The following FRMPD1 variants were observed in gnomAD, a reference collection of about 807,000 sequenced individuals.
FRMPD1 encodes FERM and PDZ domain-containing protein 1.
In FRMPD1, 76 loss-of-function variants were observed where a neutral mutation model predicts 117.8. The ratio of observed to expected loss-of-function variants is 0.65; its 90% CI spans 0.54 to 0.78. The LOEUF (loss-of-function observed/expected upper bound fraction) is 0.78, where lower values mean the gene tolerates loss of function less well. FRMPD1 is among the 30% of genes least tolerant of loss of function. The pLI, the probability that FRMPD1 is intolerant of heterozygous loss-of-function variation, is 0.00. For missense variants in FRMPD1, 1,786 were observed against 1,964.5 expected (o/e 0.91, Z 1.72); for synonymous variants, 783 against 770.4 (o/e 1.02, Z -0.27).
At chr9:37,626,622 GA>G in the FRMPD1 span, among the ~76,000 whole-genome samples, 25 of 48,630 alleles carry the variant, frequency 5.1e-4, 2 homozygotes, top group Admixed American at 7.4e-4. Context: ...CCTGGTATCT[GA>G]AAAAAAAAAA....
At chr9:37,664,685 CT>C in intron 1 of FRMPD1, among the ~76,000 whole-genome samples, 1 of 152,162 alleles carries the variant, frequency 6.6e-6, no homozygotes, top group Non-Finnish European at 1.5e-5. Flanking sequence ...CTAAGATATG[CT>C]ATAGACACTA....
At chr9:37,726,434 A>G (rs1190944399) in intron 7 of FRMPD1, among the ~76,000 whole-genome samples, 1 of 152,188 alleles carries the variant, frequency 6.6e-6, no homozygotes, top group Non-Finnish European at 1.5e-5. Context: ...GCAGTGGCTC[A>G]TGCCTGTAAT....
At chr9:37,633,689 G>A in the FRMPD1 span, among the ~76,000 whole-genome samples, 1 of 152,086 alleles carries the variant, frequency 6.6e-6, no homozygotes, top group Non-Finnish European at 1.5e-5. Context: ...GCAGGACCCT[G>A]TCTCTACAAA....
At chr9:37,723,358 AG>A (rs902388855) in intron 6 of FRMPD1, among the ~76,000 whole-genome samples, 3 of 152,188 alleles carry the variant, frequency 2.0e-5, no homozygotes, top group African/African-American at 4.8e-5. Context: ...CGCTCGTAGA[AG>A]GGCTCACTCT....
the FRMPD1 span, among the ~76,000 whole-genome samples, chr9:37,640,590 G>A: frequency 6.6e-6 from 1 of 152,168 alleles, no homozygotes; most frequent in Non-Finnish European, 1.5e-5. Context: ...GCTCTGGAAG[G>A]TCGGGCTAGG....
intron 1 of FRMPD1, among the ~76,000 whole-genome samples, chr9:37,662,684 C>T (rs1821036225): frequency 6.6e-6 from 1 of 151,996 alleles, no homozygotes; most frequent in Non-Finnish European, 1.5e-5. Context: ...GGATTTTTTG[C>T]TTTGAATTGG....
chr9:37,692,733 G>A lies in FRMPD1; in HGVS notation c.92G>A (p.Ser31Asn), dbSNP rs1180589897. 1.2e-6 allele frequency: 2 copies of A among 1,610,958 alleles called. No individual in the cohort carries two copies. The highest frequency in any genetic ancestry group is 3.3e-5 in the Admixed American group (2 of 59,988). Residue 31 changes from serine (S) to asparagine (N), a missense_variant, in exon 2 of 16, where the codon AGC becomes AAC. Transcript: ENST00000377765. The part of the protein sequence containing the change: ...VARWLRRSRD[S>N]SARAKVAAAD... The stretch of plus-strand genomic sequence containing the variant: ...AGATGGCTTCGGCGCTCCCGGGACA[G>A]CTCGGCCCGGTAAGCCTCCTGAGTT...
chr9:37,636,522 C>T, the FRMPD1 span, among the ~76,000 whole-genome samples: 7 of 152,112 alleles, frequency 4.6e-5, no homozygotes, highest in South Asian at 2.1e-4. Flanking sequence ...GACAGAATAG[C>T]GGCTCGGGGC....
intron 1 of FRMPD1, among the ~76,000 whole-genome samples, chr9:37,678,063 A>C (rs1284423585): frequency 1.3e-5 from 2 of 152,156 alleles, no homozygotes; most frequent in Non-Finnish European, 2.9e-5. Flanking sequence ...ACATTTGTCC[A>C]GATGTGTCGT....
intron 5 of FRMPD1, among the ~76,000 whole-genome samples, chr9:37,712,651 A>G (rs1213232705): frequency 6.6e-6 from 1 of 152,206 alleles, no homozygotes; most frequent in African/African-American, 2.4e-5. Context: ...CCACCATGCC[A>G]GGCCAGAACT....
chr9:37,606,545 T>C, the FRMPD1 span, among the ~76,000 whole-genome samples: 1 of 152,220 alleles, frequency 6.6e-6, no homozygotes, highest in Admixed American at 6.5e-5. Context: ...GGTTGGTGTA[T>C]AAAGCACCTC....
chr9:37,726,922 G>A (rs967459382), intron 7 of FRMPD1, among the ~76,000 whole-genome samples: 1 of 152,078 alleles, frequency 6.6e-6, no homozygotes, highest in Non-Finnish European at 1.5e-5. Flanking sequence ...AAAGGCCTCT[G>A]GGGGAGTGGA....
intron 1 of FRMPD1, among the ~76,000 whole-genome samples, chr9:37,688,265 T>C (rs1163815671): frequency 6.6e-6 from 1 of 151,182 alleles, no homozygotes; most frequent in Non-Finnish European, 1.5e-5. Context: ...AATAATTGAA[T>C]GCTACTTTCA....
chr9:37,729,698 G>A (rs371646632), intron 7 of FRMPD1, 30 bp from the exon 8 acceptor site: 26 of 1,610,310 alleles, frequency 1.6e-5, no homozygotes, highest in South Asian at 8.8e-5. Flanking sequence ...TGTTTCTTGC[G>A]TAACTCCTGC....
intron 15 of FRMPD1, among the ~76,000 whole-genome samples, chr9:37,741,872 T>C (rs146035547): frequency 0.013 from 1,914 of 152,328 alleles, 47 homozygotes; most frequent in Admixed American, 0.049. Context: ...CCCATCCGTC[T>C]ATCAGATTCC....
At chr9:37,706,708 TG>T (rs1283833168) in intron 2 of FRMPD1, among the ~76,000 whole-genome samples, 1 of 152,230 alleles carries the variant, frequency 6.6e-6, no homozygotes, top group Non-Finnish European at 1.5e-5. Flanking sequence ...GATTTTATAT[TG>T]GAAACCTTGC....
rs149299135 is a variant in FRMPD1, at chr9:37,742,679, A to G, written c.2357-1710A>G. Among the ~76,000 whole-genome samples, 1,522 of 152,284 alleles carry G rather than the reference A, an allele frequency of 1.0e-2. 26 individuals are homozygous for G. The highest frequency in any genetic ancestry group is 0.033 in the African/African-American group (1,392 of 41,570). ...TTTGGGAGGCAGAAGCAGGCAGATC[A>G]CCTGAGGTTGGGAGTTTGAGACTAG... is the stretch of plus-strand genomic sequence containing the variant. On this transcript the variant is annotated intron_variant, in intron 15 of 15. Coordinates refer to ENST00000377765, the MANE Select transcript of FRMPD1 (RefSeq NM_014907.3).
chr9:37,626,622 G>GGAAA, the FRMPD1 span, among the ~76,000 whole-genome samples: 48 of 48,630 alleles, frequency 9.9e-4, 4 homozygotes, highest in East Asian at 0.012. Flanking sequence ...CCTGGTATCT[G>GGAAA]AAAAAAAAAA....
At position 37,711,385 on chromosome 9, in the gene FRMPD1, G is replaced by A. The variant is rs140966026; in HGVS notation, c.398G>A (p.Arg133His). ...GATTCTCTTTCAATCACAGTTGTTC[G>A]CTGCACGTCGGTAAATCTCTTTCTA... is the stretch of plus-strand genomic sequence containing the variant. The part of the protein sequence containing the change: ...AEDSLSITVV[R>H]CTSGVPKSSF... Residue 133 changes from arginine (R) to histidine (H), a missense_variant, in exon 5 of 16, where the codon CGC becomes CAC. Coordinates refer to ENST00000377765, the MANE Select transcript of FRMPD1 (RefSeq NM_014907.3). 5,005 of 1,608,042 alleles carry A rather than the reference G, an allele frequency of 3.1e-3. 40 individuals carry two copies. Among genetic ancestry groups the A allele is most frequent in the South Asian group, 0.017 (1,566 of 90,918 alleles).
Sources: gnomAD v4.1 joint callset for allele counts (sites outside exome capture counted in the v4.1 genomes callset) on GRCh38, gnomAD v4.1.1 for gene constraint, MANE v1.5 for transcripts, NCBI Gene and HGNC (gene_info 2026-07-23, HGNC 2026-07-21) for gene names.